The following SLU7 variants were observed in gnomAD, a reference collection of about 807,000 sequenced individuals.
The protein encoded by SLU7 is pre-mRNA-splicing factor SLU7.
SLU7 carries 60 observed loss-of-function variants against 87.0 expected under a neutral mutation model. The ratio of observed to expected loss-of-function variants is 0.69; its 90% CI spans 0.56 to 0.86. SLU7 has a LOEUF of 0.86. SLU7 is among the 40% of genes least tolerant of loss of function. SLU7 has a pLI of 0.00. For missense variants in SLU7, 507 were observed against 686.6 expected, an observed-to-expected ratio of 0.74 and a Z score of 2.92; for synonymous variants, 197 against 222.0, an observed-to-expected ratio of 0.89 and a Z score of 1.00.
intron 15 of SLU7, 112 bp from the exon 16 acceptor site, chr5:160,403,576 G>A (rs550826713): frequency 1.1e-4 from 98 of 862,712 alleles, no homozygotes; most frequent in Non-Finnish European, 1.4e-4. Flanking sequence ...TATCAAAAAC[G>A]CAGATTGCCT....
intron 6 of SLU7, among the ~76,000 whole-genome samples, chr5:160,410,988 C>T (rs1376311914): frequency 2.0e-5 from 3 of 151,256 alleles, no homozygotes; most frequent in African/African-American, 7.3e-5. Flanking sequence ...GCCTCAGCCT[C>T]CCGAGTAGCT....
rs182767435 is a variant in SLU7 at position 160,416,021 on chromosome 5, T to C, written c.-16-711A>G. Among the ~76,000 whole-genome samples the C allele has an allele frequency of 2.6e-3, 397 of 152,170 alleles. 1 individual carries two copies. The highest frequency in any genetic ancestry group is 8.5e-3 in the African/African-American group (351 of 41,514). ...GATTCTCCTGCCTCAGTCTCCCGAG[T>C]AGCTCGATTACAGGTGCCCGCCACC... On this transcript the variant is annotated intron_variant, in intron 1 of 15. Coordinates refer to ENST00000297151, the MANE Select transcript of SLU7 (RefSeq NM_006425.5).
chr5:160,405,597 T>C (rs1764976052), intron 12 of SLU7, among the ~76,000 whole-genome samples: 1 of 152,162 alleles, frequency 6.6e-6, no homozygotes, highest in Non-Finnish European at 1.5e-5. Context: ...GTAGTTTGGT[T>C]ACTTCAAGAG....
At chr5:160,404,254 A>G (rs140413562) in intron 15 of SLU7, among the ~76,000 whole-genome samples, 186 bp downstream of exon 15, 2 of 152,324 alleles carry the variant, frequency 1.3e-5, no homozygotes, top group East Asian at 1.9e-4. Flanking sequence ...AATACCGGCT[A>G]CTTGGGACAC....
At chr5:160,404,728 A>G in intron 14 of SLU7, 81 bp downstream of exon 14, 3 of 1,059,214 alleles carry the variant, frequency 2.8e-6, no homozygotes, top group South Asian at 2.8e-5. Context: ...CTGTTTCAAA[A>G]GAAAAAAAAA....
Position 160,415,162 on chromosome 5 carries a change from A to G in SLU7, c.133T>C (p.Leu45=), listed in dbSNP as rs768849143. ...KKKELEEQRK[L]GNAPAEVDEE... Reference sequence around the variant, plus strand: ...TCAACTTCTGCAGGAGCATTGCCCAATTTTCGCTGTTCTTCTAGCTCCTTC... The same window carrying G: ...TCAACTTCTGCAGGAGCATTGCCCAGTTTTCGCTGTTCTTCTAGCTCCTTC... The change falls in exon 2 of 16, where the codon TTG becomes CTG. Residue 45 remains leucine, a synonymous_variant. Coordinates refer to ENST00000297151, the MANE Select transcript of SLU7 (RefSeq NM_006425.5). The G allele has an allele frequency of 1.2e-6, 2 of 1,610,012 alleles. No homozygotes were observed. The highest frequency in any genetic ancestry group is 4.5e-5 in the East Asian group (2 of 44,624).
At chr5:160,416,406 T>C (rs972016430) in intron 1 of SLU7, among the ~76,000 whole-genome samples, 1 of 152,252 alleles carries the variant, frequency 6.6e-6, no homozygotes, top group African/African-American at 2.4e-5. Context: ...AGGAACAACG[T>C]ATTTTTCTAT....
Position 160,403,340 on chromosome 5 carries a change from T to C in SLU7, c.1706A>G (p.Tyr569Cys), listed in dbSNP as rs1233008785. 4 of 1,613,236 alleles carry C rather than the reference T, an allele frequency of 2.5e-6. No homozygotes were observed. Among genetic ancestry groups the C allele is most frequent in the South Asian group, 1.1e-5 (1 of 90,836 alleles). ...REPTEEEMEA[Y>C]RMKRQRPDDP... ...ATCTGGCCTCTGACGTTTCATTCTA[T>C]ATGCCTCCATTTCCTCTTCAGTAGG... Residue 569 changes from tyrosine (Y) to cysteine (C), a missense_variant, in exon 16 of 16, where the codon TAT becomes TGT. Physicochemically the swap from Tyr to Cys is radical, Grantham distance 194 (BLOSUM62 -2). Around this residue, in one of 6 missense-constraint regions of SLU7, gnomAD observed 201 missense variants for 213.4 expected, o/e 0.94. Transcript: ENST00000297151.
chr5:160,413,654 G>A, intron 4 of SLU7, 34 bp from the exon 5 acceptor site: 1 of 1,577,796 alleles, frequency 6.3e-7, no homozygotes, highest in Non-Finnish European at 8.6e-7. Context: ...CTTTTCCTAA[G>A]TTTTTATGGC....
At chr5:160,411,977 T>C (rs560676507) in intron 6 of SLU7, among the ~76,000 whole-genome samples, 1 of 152,322 alleles carries the variant, frequency 6.6e-6, no homozygotes, top group South Asian at 2.1e-4. Flanking sequence ...TATACTATCT[T>C]TTCATGTATT....
chr5:160,408,596 C>T (rs1232471776), intron 7 of SLU7, 54 bp downstream of exon 7: 2 of 1,392,168 alleles, frequency 1.4e-6, no homozygotes, highest in African/African-American at 2.9e-5. Flanking sequence ...TTATTATTAG[C>T]CATCAGAAAT....
At chr5:160,405,250 T>G (rs531802249) in intron 12 of SLU7, 115 bp from the exon 13 acceptor site, 1 of 699,302 alleles carries the variant, frequency 1.4e-6, no homozygotes, top group Admixed American at 2.7e-5. Flanking sequence ...GGGAGAAAAA[T>G]TATGGGGATT....
intron 4 of SLU7, 89 bp from the exon 5 acceptor site, chr5:160,413,709 G>T: frequency 8.3e-7 from 1 of 1,208,340 alleles, no homozygotes; most frequent in Non-Finnish European, 1.2e-6. Context: ...GGCACTTTAC[G>T]ATCTATTCAA....
intron 15 of SLU7, 61 bp downstream of exon 15, chr5:160,404,379 A>C (rs1249552068): frequency 2.7e-6 from 3 of 1,099,458 alleles, no homozygotes; most frequent in Admixed American, 2.0e-5. Context: ...AAATAAAAAC[A>C]ACCCAAAAAA....
chr5:160,403,152 G>T lies in SLU7; in HGVS notation c.*133C>A. On this transcript the variant is annotated 3_prime_UTR_variant, in exon 16 of 16. Coordinates refer to ENST00000297151, the MANE Select transcript of SLU7 (RefSeq NM_006425.5). ...GTATGGAAAGGAGTGAACTTACTGT[G>T]AGGCATCTGAAATATTTATTAAAGC... is the stretch of plus-strand genomic sequence containing the variant. 1.7e-6 allele frequency: 1 copy of T among 574,966 alleles called. No homozygotes were observed. Among genetic ancestry groups the T allele is most frequent in the East Asian group, 3.2e-5 (1 of 31,548 alleles). 35.6% of individuals were successfully genotyped at this position (574,966 alleles called of 1,614,324 possible).
In SLU7 at chr5:160,408,404, GT is replaced by G. The variant is rs1561557621; in HGVS notation, c.743del (p.Asp248AlafsTer28). The G allele has an allele frequency of 6.2e-7, 1 of 1,610,502 alleles. No homozygotes were observed. On this transcript the variant is annotated frameshift_variant, in exon 8 of 16. Transcript: ENST00000297151. LOFTEE classifies it high-confidence loss of function. The stretch of plus-strand genomic sequence containing the variant: ...TGGAGTCAAAATTCTGTCCAGGCAT[GT>G]CAATATCATCTGCATATTTATCTTC... ...EDEDKYADDI[D>X]MPGQNFDSKR... is the part of the protein sequence containing the mutation.
At position 160,411,068 on chromosome 5, in the gene SLU7, G is replaced by A. The variant is rs191734734; in HGVS notation, c.639+1383C>T. Among the ~76,000 whole-genome samples the A allele has an allele frequency of 1.5e-3, 222 of 152,138 alleles. 1 individual carries two copies. Among genetic ancestry groups the A allele is most frequent in the African/African-American group, 4.9e-3 (203 of 41,510 alleles). On this transcript the variant is annotated intron_variant, in intron 6 of 15. Transcript: ENST00000297151. ...TTTTTAGTAGAGACGGGGTTTCACCGTGTTAGCCAGGATGGTCTCGATCTC... is the reference window on the plus strand; with the variant it reads ...TTTTTAGTAGAGACGGGGTTTCACCATGTTAGCCAGGATGGTCTCGATCTC...
At chr5:160,418,277 A>G (rs1765539429) in intron 1 of SLU7, among the ~76,000 whole-genome samples, 2 of 152,202 alleles carry the variant, frequency 1.3e-5, no homozygotes, top group East Asian at 3.8e-4. Flanking sequence ...AGGTCTGATG[A>G]ACACCATTTT....
At chr5:160,406,779 A>T in intron 11 of SLU7, 150 bp from the exon 12 acceptor site, 1 of 627,986 alleles carries the variant, frequency 1.6e-6, no homozygotes, top group East Asian at 3.2e-5. Context: ...AAAGCCACAA[A>T]TTTTTTCTGA....
Sources: gnomAD v4.1 joint callset for allele counts (sites outside exome capture counted in the v4.1 genomes callset) on GRCh38, gnomAD v4.1.1 for gene constraint, gnomAD v4.1.1 regional missense constraint, MANE v1.5 for transcripts, NCBI Gene and HGNC (gene_info 2026-07-23, HGNC 2026-07-21) for gene names.